Variants in NBEAL1 observed in about 807,000 individuals in gnomAD.
NBEAL1 encodes neurobeachin like 1.
A neutral mutation model predicts 351.3 loss-of-function variants in NBEAL1; 273 were observed. That is an observed-to-expected ratio of 0.78 (90% confidence interval 0.70 to 0.86). The LOEUF (loss-of-function observed/expected upper bound fraction) is 0.86. NBEAL1 is among the 40% of genes least tolerant of loss of function. The pLI, the probability that NBEAL1 is intolerant of heterozygous loss-of-function variation, is 0.00. For synonymous variants in NBEAL1, 1,050 were observed against 1,086.4 expected, an observed-to-expected ratio of 0.97 and a Z score of 0.66; for missense variants, 2,961 against 3,201.3, an observed-to-expected ratio of 0.92 and a Z score of 1.81.
intron 41 of NBEAL1, among the ~76,000 whole-genome samples, chr2:203,173,808 A>C (rs1276773808): frequency 6.6e-6 from 1 of 152,124 alleles, no homozygotes; most frequent in East Asian, 1.9e-4. Context: ...TTGCATAGAT[A>C]CAAATGGCTT....
In NBEAL1 at chr2:203,112,113, C is replaced by T. The variant is rs2062587028; in HGVS notation, c.2202+15C>T. The T allele has an allele frequency of 1.9e-6, 3 of 1,547,884 alleles. No individual in the cohort carries two copies. Among genetic ancestry groups the T allele is most frequent in the Non-Finnish European group, 2.6e-6 (3 of 1,146,150 alleles). ...CCATGAATGAAGTAAGTATATCCAA[C>T]CTACTCTTTACGGGCCCTATTGGTT... On this transcript the variant is annotated intron_variant, in intron 16 of 55. Coordinates refer to ENST00000683969, the MANE Select transcript of NBEAL1 (RefSeq NM_001378026.1).
chr2:203,029,376 C>T (rs981775543), intron 2 of NBEAL1, among the ~76,000 whole-genome samples: 2 of 152,220 alleles, frequency 1.3e-5, no homozygotes, highest in African/African-American at 4.8e-5. Flanking sequence ...TTTTACCTAA[C>T]ATTGCAGATG....
At chr2:203,127,532 G>A (rs544549150) in intron 23 of NBEAL1, among the ~76,000 whole-genome samples, 1 of 152,188 alleles carries the variant, frequency 6.6e-6, no homozygotes, top group East Asian at 1.9e-4. Context: ...GACCAGCCTG[G>A]CCAACATGGT....
At chr2:203,153,523 C>T (rs2063717951) in intron 35 of NBEAL1, among the ~76,000 whole-genome samples, 2 of 152,104 alleles carry the variant, frequency 1.3e-5, no homozygotes, top group Non-Finnish European at 2.9e-5. Context: ...GCTATGATGC[C>T]TGCCATTTAG....
chr2:203,034,270 G>A (rs886323602), intron 2 of NBEAL1, among the ~76,000 whole-genome samples: 3 of 150,960 alleles, frequency 2.0e-5, no homozygotes, highest in Non-Finnish European at 2.9e-5. Flanking sequence ...TGATCCTCCT[G>A]CCTCAGCCTC....
At chr2:203,144,529 A>G in intron 31 of NBEAL1, 71 bp from the exon 32 acceptor site, 2 of 1,400,720 alleles carry the variant, frequency 1.4e-6, no homozygotes, top group Non-Finnish European at 1.9e-6. Context: ...CCACAGAGCC[A>G]GGCAGAACTT....
chr2:203,099,445 T>C lies in NBEAL1; in HGVS notation c.1186-184T>C, dbSNP rs545687138. ...CTTATCCTCCTTGACATGTGGTTTA[T>C]TTTTCTTTTAAATAGGTAACTTTCC... On this transcript the variant is annotated intron_variant, in intron 11 of 55. Coordinates refer to ENST00000683969, the MANE Select transcript of NBEAL1 (RefSeq NM_001378026.1). Among the ~76,000 whole-genome samples the C allele has an allele frequency of 3.3e-5, 5 of 152,316 alleles. No individual in the cohort carries two copies. In the East Asian group the frequency reaches 9.6e-4, roughly 29 times the overall value.
chr2:203,161,595 C>T (rs1021325028), intron 36 of NBEAL1, among the ~76,000 whole-genome samples: 3 of 151,502 alleles, frequency 2.0e-5, no homozygotes, highest in African/African-American at 7.3e-5. Flanking sequence ...CTCCACTGCA[C>T]TCCAGCCTGG....
intron 45 of NBEAL1, 143 bp from the exon 46 acceptor site, chr2:203,190,149 A>AGATGTGTGTACACACACACACACAC: frequency 1.8e-6 from 1 of 563,202 alleles, no homozygotes; most frequent in East Asian, 3.1e-5. Context: ...AAAAAAAAAA[A>AGATGTGTGTACACACACACACACAC]AGATGTGTGT....
chr2:203,172,667 G>A (rs1208724463), intron 40 of NBEAL1, 62 bp from the exon 41 acceptor site: 8 of 1,456,478 alleles, frequency 5.5e-6, no homozygotes, highest in Non-Finnish European at 7.5e-6. Context: ...TTTGATATTA[G>A]ATATGAGGAT....
chr2:203,082,772 C>T (rs978681059), intron 8 of NBEAL1, among the ~76,000 whole-genome samples: 2 of 152,172 alleles, frequency 1.3e-5, no homozygotes, highest in African/African-American at 4.8e-5. Context: ...ATAAGAACAT[C>T]AAGGACTGAG....
At chr2:203,210,702 A>G (rs1388769603) in intron 53 of NBEAL1, among the ~76,000 whole-genome samples, 1 of 152,166 alleles carries the variant, frequency 6.6e-6, no homozygotes, top group East Asian at 1.9e-4. Flanking sequence ...TTAAGAATGT[A>G]GAGTTTTGGG....
chr2:203,093,861 T>TA (rs908700705), intron 10 of NBEAL1, among the ~76,000 whole-genome samples: 55 of 151,008 alleles, frequency 3.6e-4, no homozygotes, highest in South Asian at 6.3e-4. Flanking sequence ...ACAAAAACAA[T>TA]AAAAAAAACA....
At chr2:203,178,235 G>A (rs1437319034) in intron 42 of NBEAL1, among the ~76,000 whole-genome samples, 3 of 145,108 alleles carry the variant, frequency 2.1e-5, no homozygotes, top group South Asian at 2.2e-4. Context: ...CTCAGTTTCC[G>A]CTCACTGCAA....
At chr2:203,043,278 C>A (rs1186603642) in intron 3 of NBEAL1, among the ~76,000 whole-genome samples, 4 of 152,008 alleles carry the variant, frequency 2.6e-5, no homozygotes, top group Admixed American at 2.0e-4. Context: ...TTCCACCCAC[C>A]ACCACTCCCC....
chr2:203,161,124 G>C (rs2063942842), intron 36 of NBEAL1, among the ~76,000 whole-genome samples: 1 of 151,976 alleles, frequency 6.6e-6, no homozygotes, highest in Admixed American at 6.6e-5. Context: ...TCAAGAGATT[G>C]ATATCATCCT....
Position 203,166,265 on chromosome 2 carries a change from A to G in NBEAL1, c.5831A>G (p.Tyr1944Cys). ...TTAGAAATCACTACTCAACACATTT[A>G]CTTCTATGATGGCAGCATTGAAAAA... ...GRLEITTQHI[Y>C]FYDGSIEKED... is the part of the protein sequence containing the mutation. Residue 1944 changes from tyrosine (Y) to cysteine (C), a missense_variant, in exon 37 of 56, where the codon TAC becomes TGC. Transcript: ENST00000683969. 6.2e-7 allele frequency: 1 copy of G among 1,607,338 alleles called. No individual in the cohort carries two copies. The highest frequency in any genetic ancestry group is 1.7e-5 in the Admixed American group (1 of 58,100).
chr2:203,073,138 A>G (rs1254944242), intron 7 of NBEAL1, among the ~76,000 whole-genome samples: 1 of 152,152 alleles, frequency 6.6e-6, no homozygotes, highest in Admixed American at 6.5e-5. Flanking sequence ...TCCTGGGTTC[A>G]AGTGATCTTA....
At chr2:203,028,765 G>A (rs1157512417) in intron 2 of NBEAL1, among the ~76,000 whole-genome samples, 1 of 151,832 alleles carries the variant, frequency 6.6e-6, no homozygotes, top group African/African-American at 2.4e-5. Context: ...GTATGCACAT[G>A]TCCCTTGAAT....
Sources: gnomAD v4.1 joint callset for allele counts (sites outside exome capture counted in the v4.1 genomes callset) on GRCh38, gnomAD v4.1.1 for gene constraint, MANE v1.5 for transcripts, NCBI Gene and HGNC (gene_info 2026-07-23, HGNC 2026-07-21) for gene names.